Variants in BCL11A observed in about 807,000 individuals in gnomAD.
BCL11A encodes the protein B cell CLL/lymphoma 11A.
A neutral mutation model predicts 55.9 loss-of-function variants in BCL11A; 2 were observed. The ratio of observed to expected loss-of-function variants is 0.04; its 90% CI spans 0.01 to 0.11. BCL11A has a LOEUF of 0.11. Ranked by LOEUF, BCL11A falls within the 10% of genes least tolerant of loss-of-function variation. The pLI, the probability that BCL11A is intolerant of heterozygous loss-of-function variation, is 1.00. For synonymous variants in BCL11A, 465 were observed against 473.4 expected (o/e 0.98, Z 0.23); for missense variants, 817 against 1,137.1 (o/e 0.72, Z 4.05).
chr2:60,553,143 CT>C (rs1670490884), intron 1 of BCL11A, 72 bp downstream of exon 1: 2 of 1,487,314 alleles, frequency 1.3e-6, no homozygotes, highest in South Asian at 2.5e-5. Flanking sequence ...CTCTCTCCCC[CT>C]CGCTTTTGCT....
At chr2:60,542,513 A>T (rs1185429424) in intron 2 of BCL11A, 1 of 152,276 alleles carries the variant, frequency 6.6e-6, no homozygotes, top group Non-Finnish European at 1.5e-5. Flanking sequence ...TGACACACAT[A>T]TTGATGAACT....
chr2:60,467,633 G>GTGGT (rs1293094667), intron 3 of BCL11A, among the ~76,000 whole-genome samples: 2 of 94,004 alleles, frequency 2.1e-5, no homozygotes, highest in Non-Finnish European at 4.5e-5. Context: ...GGTAATGGTG[G>GTGGT]TGGTGGTGAT....
intron 2 of BCL11A, chr2:60,524,378 A>G (rs1448563117): frequency 2.6e-5 from 4 of 152,194 alleles, no homozygotes; most frequent in South Asian, 4.1e-4. Context: ...GGAAGGGGAA[A>G]GTAGAGCCTC....
At chr2:60,494,943 A>T (rs532577825) in intron 2 of BCL11A, among the ~76,000 whole-genome samples, 1 of 152,304 alleles carries the variant, frequency 6.6e-6, no homozygotes, top group South Asian at 2.1e-4. Context: ...CACAGATCCT[A>T]ACACAGTAGC....
rs1676067499 is a variant in BCL11A at position 60,458,708 on chromosome 2, A to G, written c.*1696T>C. On this transcript the variant is annotated 3_prime_UTR_variant, in exon 4 of 4. Coordinates refer to ENST00000642384, the MANE Select transcript of BCL11A (RefSeq NM_022893.4). ...TTAAGTATAGACCTGTAAACTGGGA[A>G]AATTGTACAGTGCACTTAATTGTCC... 9.7e-7 allele frequency: 1 copy of G among 1,031,826 alleles called. No homozygotes were observed. The highest frequency in any genetic ancestry group is 1.2e-6 in the Non-Finnish European group (1 of 857,712). 63.9% of individuals were successfully genotyped at this position (1,031,826 alleles called of 1,614,324 possible). A position where few individuals can be genotyped will look rare whatever the true frequency, so the allele number is the denominator to read the frequency against.
chr2:60,468,627 T>C (rs1677025109), intron 3 of BCL11A, 105 bp downstream of exon 3: 1 of 796,706 alleles, frequency 1.3e-6, no homozygotes. Flanking sequence ...TATGACAATC[T>C]ATTTTGGAAG....
At chr2:60,540,531 C>T (rs1207188258) in intron 2 of BCL11A, among the ~76,000 whole-genome samples, 1 of 152,146 alleles carries the variant, frequency 6.6e-6, no homozygotes, top group Non-Finnish European at 1.5e-5. Flanking sequence ...GACCAGCACG[C>T]AAAGCCACCA....
chr2:60,545,990 G>C lies in BCL11A; in HGVS notation c.366C>G (p.Pro122=). The C allele has an allele frequency of 6.2e-7, 1 of 1,613,694 alleles. No homozygotes were observed. Among genetic ancestry groups the C allele is most frequent in the Admixed American group, 1.7e-5 (1 of 60,002 alleles). The change falls in exon 2 of 4, where the codon CCC becomes CCG. Residue 122 remains proline (P), a synonymous_variant. Transcript: ENST00000642384. ...ATTTACCTGCTATGTGTTCCTGTTT[G>C]GGGCAAATTCCTCTAGATGACGTTG... ...CLSTSSRGIC[P]KQEHIADKLL...
At chr2:60,468,184 C>T (rs1342294985) in intron 3 of BCL11A, among the ~76,000 whole-genome samples, 2 of 151,496 alleles carry the variant, frequency 1.3e-5, no homozygotes, top group Admixed American at 1.3e-4. Context: ...ATTTTAACTA[C>T]AATGATGTGC....
intron 3 of BCL11A, among the ~76,000 whole-genome samples, chr2:60,467,875 G>C (rs866671702): frequency 1.7e-5 from 2 of 120,706 alleles, no homozygotes; most frequent in African/African-American, 3.1e-5. Context: ...TACTGGTGGT[G>C]ATGGTGGTGG....
At chr2:60,477,842 C>A (rs1055815551) in intron 2 of BCL11A, among the ~76,000 whole-genome samples, 1 of 152,166 alleles carries the variant, frequency 6.6e-6, no homozygotes, top group Non-Finnish European at 1.5e-5. Flanking sequence ...GAAGAACAGG[C>A]AGCCCCAGGA....
rs145739746 is a variant in BCL11A, at chr2:60,515,039, T to A, written c.385+30932A>T. 8.1e-3 allele frequency among the ~76,000 whole-genome samples: 1,227 copies of A among 152,216 alleles called. 17 individuals carry two copies. The highest frequency in any genetic ancestry group is 0.028 in the African/African-American group (1,170 of 41,526). On this transcript the variant is annotated intron_variant, in intron 2 of 3. Coordinates refer to ENST00000642384, the MANE Select transcript of BCL11A (RefSeq NM_022893.4). ...CTCTAGCTTGTTTCCAGAATGCCAC[T>A]ACCAGCTTCCCACACCTCCAGGGGA... is the stretch of plus-strand genomic sequence containing the variant.
At chr2:60,518,573 T>G (rs536150322) in intron 2 of BCL11A, among the ~76,000 whole-genome samples, 3 of 151,954 alleles carry the variant, frequency 2.0e-5, no homozygotes, top group African/African-American at 4.8e-5. Flanking sequence ...CGCAAAGGCA[T>G]GGGGGGACAA....
intron 1 of BCL11A, among the ~76,000 whole-genome samples, chr2:60,547,808 A>G (rs1465141318): frequency 6.6e-6 from 1 of 152,202 alleles, no homozygotes; most frequent in African/African-American, 2.4e-5. Context: ...TAACTCCCAG[A>G]TGTGCTAGGT....
intron 2 of BCL11A, chr2:60,522,416 T>C (rs1176116755): frequency 1.3e-5 from 2 of 152,188 alleles, no homozygotes; most frequent in African/African-American, 4.8e-5. Context: ...TATTACCAAA[T>C]AGGGGAGTTA....
At chr2:60,496,812 G>A (rs564397629) in intron 2 of BCL11A, among the ~76,000 whole-genome samples, 66 of 151,974 alleles carry the variant, frequency 4.3e-4, no homozygotes, top group Non-Finnish European at 8.1e-4. Flanking sequence ...CTCCCAAGAG[G>A]AGTCTTACAT....
rs1159560073 is a variant in BCL11A at position 60,528,537 on chromosome 2, C to G, written c.385+17434G>C. The stretch of plus-strand genomic sequence containing the variant: ...TTCTCTTTCCCAGAAGATTGAAAAA[C>G]TTGACCACAGAACCCATGGGAGGGA... On this transcript the variant is annotated intron_variant, in intron 2 of 3. Coordinates refer to ENST00000642384, the MANE Select transcript of BCL11A (RefSeq NM_022893.4). 15 of 152,420 alleles carry G rather than the reference C, an allele frequency of 9.8e-5. No homozygotes were observed. The East Asian group carries it at 2.7e-3, about 27-fold the overall frequency. The allele number at this position is 152,420 out of a possible 1,614,324, so 9.4% of individuals were successfully genotyped here. A position where few individuals can be genotyped will look rare whatever the true frequency, so the allele number is the denominator to read the frequency against.
At chr2:60,510,085 C>T (rs577126761) in intron 2 of BCL11A, among the ~76,000 whole-genome samples, 1 of 152,316 alleles carries the variant, frequency 6.6e-6, no homozygotes, top group African/African-American at 2.4e-5. Flanking sequence ...TGGTCCACGC[C>T]ACCATCACTT....
Position 60,458,111 on chromosome 2 carries a change from A to T in BCL11A, c.*2293T>A. The T allele has an allele frequency of 1.9e-6, 2 of 1,032,336 alleles. No individual in the cohort carries two copies. Among genetic ancestry groups the T allele is most frequent in the Non-Finnish European group, 2.3e-6 (2 of 857,658 alleles). 63.9% of individuals were successfully genotyped at this position (1,032,336 alleles called of 1,614,324 possible). ...GCAACAGTTAAAAATACAAGCTTCA[A>T]TATAAATACTATAGTGCCTAACACT... is the stretch of plus-strand genomic sequence containing the variant. On this transcript the variant is annotated 3_prime_UTR_variant, in exon 4 of 4. Transcript: ENST00000642384.
Sources: gnomAD v4.1 joint callset for allele counts (sites outside exome capture counted in the v4.1 genomes callset) on GRCh38, gnomAD v4.1.1 for gene constraint, MANE v1.5 for transcripts, NCBI Gene and HGNC (gene_info 2026-07-23, HGNC 2026-07-21) for gene names.